The following NALCN variants were observed in gnomAD, a reference collection of about 807,000 sequenced individuals.
The protein encoded by NALCN is sodium leak channel NALCN.
NALCN carries 111 observed loss-of-function variants against 225.3 expected under a neutral mutation model. The observed-to-expected ratio is 0.49, with a 90% CI of 0.42 to 0.58. The LOEUF is 0.58. NALCN is among the 20% of genes least tolerant of loss of function. The pLI, the probability that NALCN is intolerant of heterozygous loss-of-function variation, is 0.00. For synonymous variants in NALCN, 764 were observed against 769.0 expected (o/e 0.99, Z 0.11); for missense variants, 1,378 against 2,202.4 (o/e 0.63, Z 7.49).
chr13:101,390,701 G>A (rs2047119544), intron 3 of NALCN, among the ~76,000 whole-genome samples: 1 of 152,080 alleles, frequency 6.6e-6, no homozygotes, highest in Non-Finnish European at 1.5e-5. Context: ...AACATTTTAT[G>A]CTGCTGGTTA....
At chr13:101,320,415 C>T (rs1295894052) in intron 7 of NALCN, among the ~76,000 whole-genome samples, 7 of 152,106 alleles carry the variant, frequency 4.6e-5, no homozygotes, top group Non-Finnish European at 7.4e-5. Context: ...ATTAAAAATT[C>T]TGGGACATTT....
chr13:101,173,518 C>T (rs894630467), intron 15 of NALCN, among the ~76,000 whole-genome samples: 9 of 152,062 alleles, frequency 5.9e-5, no homozygotes, highest in Admixed American at 5.9e-4. Flanking sequence ...ATAATAACAC[C>T]TGCATTGAAT....
chr13:101,208,859 A>G (rs1419214511), intron 13 of NALCN, among the ~76,000 whole-genome samples: 5 of 152,206 alleles, frequency 3.3e-5, no homozygotes, highest in African/African-American at 4.8e-5. Context: ...CCTCACAAGG[A>G]GCAGACGCTG....
Position 101,149,217 on chromosome 13 carries a change from C to T in NALCN, c.1840-4321G>A, listed in dbSNP as rs868589767. ...CTGAGGCAGGAGAATGGCGTGAACC[C>T]GGGAGGTGGAGCTTACAGTGAGCCA... is the stretch of plus-strand genomic sequence containing the variant. On this transcript the variant is annotated intron_variant, in intron 15 of 43. Coordinates refer to ENST00000251127, the MANE Select transcript of NALCN (RefSeq NM_052867.4). Among the ~76,000 whole-genome samples the T allele has an allele frequency of 3.3e-5, 5 of 151,296 alleles. No homozygotes were observed. The South Asian group carries it at 6.3e-4, about 19-fold the overall frequency.
At chr13:101,163,830 G>A (rs564350396) in intron 15 of NALCN, among the ~76,000 whole-genome samples, 2 of 152,094 alleles carry the variant, frequency 1.3e-5, no homozygotes, top group Non-Finnish European at 2.9e-5. Context: ...TATTTCTGGG[G>A]GCTGGAAGTC....
intron 15 of NALCN, 101 bp from the exon 16 acceptor site, chr13:101,144,997 T>G: frequency 7.6e-7 from 1 of 1,324,202 alleles, no homozygotes; most frequent in East Asian, 2.5e-5. Flanking sequence ...AGTAATTACA[T>G]GAAATGCCAG....
intron 6 of NALCN, among the ~76,000 whole-genome samples, chr13:101,370,101 T>C (rs545187586): frequency 2.2e-4 from 33 of 152,328 alleles, no homozygotes; most frequent in African/African-American, 7.9e-4. Flanking sequence ...AGTTACTAAT[T>C]ATTTATTCTG....
intron 17 of NALCN, among the ~76,000 whole-genome samples, chr13:101,127,325 GA>G (rs1262343961): frequency 6.6e-6 from 1 of 152,064 alleles, no homozygotes; most frequent in African/African-American, 2.4e-5. Flanking sequence ...TATTATAATA[GA>G]AAAACATCAG....
chr13:101,206,587 G>GATA (rs149418323), intron 13 of NALCN, among the ~76,000 whole-genome samples: 2 of 133,402 alleles, frequency 1.5e-5, no homozygotes, highest in Non-Finnish European at 3.5e-5. Flanking sequence ...TTTTCTCACT[G>GATA]ATGTTTAACT....
chr13:101,151,235 G>A (rs562672293), intron 15 of NALCN, among the ~76,000 whole-genome samples: 3 of 152,168 alleles, frequency 2.0e-5, no homozygotes, highest in East Asian at 3.8e-4. Context: ...TGCTCTGCAC[G>A]ACACATACTG....
At chr13:101,345,086 G>T (rs893040720) in intron 7 of NALCN, among the ~76,000 whole-genome samples, 180 bp downstream of exon 7, 1 of 152,180 alleles carries the variant, frequency 6.6e-6, no homozygotes, top group Non-Finnish European at 1.5e-5. Flanking sequence ...TACACAGCTT[G>T]TATGCTACGC....
At chr13:101,083,065 C>T in intron 32 of NALCN, 27 bp downstream of exon 32, 1 of 1,606,070 alleles carries the variant, frequency 6.2e-7, no homozygotes, top group Non-Finnish European at 8.5e-7. Context: ...AAATTCATTC[C>T]CGGAGTCTTA....
chr13:101,195,625 C>T (rs112990152), intron 13 of NALCN, among the ~76,000 whole-genome samples: 5 of 152,262 alleles, frequency 3.3e-5, no homozygotes, highest in African/African-American at 4.8e-5. Context: ...CTTCTGATGG[C>T]GTTATGCCTA....
intron 27 of NALCN, among the ~76,000 whole-genome samples, chr13:101,096,934 C>T (rs2034539575): frequency 6.6e-6 from 1 of 152,072 alleles, no homozygotes; most frequent in Non-Finnish European, 1.5e-5. Flanking sequence ...CCATTTTAAT[C>T]TGCTTCACGT....
intron 13 of NALCN, among the ~76,000 whole-genome samples, chr13:101,228,634 C>T (rs148021840): frequency 3.9e-5 from 6 of 152,300 alleles, no homozygotes; most frequent in African/African-American, 1.4e-4. Flanking sequence ...TCTCCAGCCA[C>T]GTGGAACTGT....
intron 7 of NALCN, among the ~76,000 whole-genome samples, chr13:101,312,174 G>A (rs895774349): frequency 1.3e-4 from 20 of 152,110 alleles, no homozygotes; most frequent in Admixed American, 2.6e-4. Flanking sequence ...TTCTCTGATG[G>A]TAGTTTGCAT....
chr13:101,083,662 T>C, intron 31 of NALCN, 49 bp downstream of exon 31: 1 of 1,545,770 alleles, frequency 6.5e-7, no homozygotes, highest in South Asian at 1.1e-5. Context: ...TCCTGGGGAA[T>C]CGTGCACACT....
rs545703607 is a variant in NALCN, at chr13:101,394,974, GT to G, written c.291+208del. 2.7e-3 allele frequency among the ~76,000 whole-genome samples: 412 copies of G among 152,254 alleles called. 4 individuals carry two copies. The highest frequency in any genetic ancestry group is 0.012 in the South Asian group (57 of 4,818). Reference sequence around the variant, plus strand: ...TCCTTCTCAGATATTCCAAGAGTTTGTGACTTACAAAATTTATTTAACTTTT... The same window carrying G: ...TCCTTCTCAGATATTCCAAGAGTTTGGACTTACAAAATTTATTTAACTTTT... On this transcript the variant is annotated intron_variant, in intron 3 of 43. Coordinates refer to ENST00000251127, the MANE Select transcript of NALCN (RefSeq NM_052867.4).
intron 10 of NALCN, among the ~76,000 whole-genome samples, chr13:101,263,980 C>T (rs997030069): frequency 4.6e-5 from 7 of 152,074 alleles, no homozygotes; most frequent in Non-Finnish European, 7.4e-5. Context: ...CTTGTATCTA[C>T]AGGAAAGTCC....
Sources: gnomAD v4.1 joint callset for allele counts (sites outside exome capture counted in the v4.1 genomes callset) on GRCh38, gnomAD v4.1.1 for gene constraint, MANE v1.5 for transcripts, NCBI Gene and HGNC (gene_info 2026-07-23, HGNC 2026-07-21) for gene names.